The following AMZ1 variants were observed in gnomAD, a reference collection of about 807,000 sequenced individuals.
The protein encoded by AMZ1 is archaelysin family metallopeptidase 1.
Under a neutral mutation model 29.9 loss-of-function variants are expected in AMZ1, and 39 were observed. The observed-to-expected ratio is 1.30, with a 90% CI of 1.01 to 1.70. The LOEUF (loss-of-function observed/expected upper bound fraction) is 1.70. Among genes scored for constraint, AMZ1 ranks in the 40% most tolerant of loss-of-function variants. The pLI is 0.00. For missense variants in AMZ1, 1,041 were observed against 680.6 expected (o/e 1.53, Z -5.89); for synonymous variants, 458 against 304.0 (o/e 1.51, Z -5.27).
chr7:2,722,917 T>C (rs1789480984), downstream of AMZ1, among the ~76,000 whole-genome samples: 1 of 152,024 alleles, frequency 6.6e-6, no homozygotes, highest in Non-Finnish European at 1.5e-5. Flanking sequence ...GTTTTGAGGC[T>C]GCGATGAGCT....
chr7:2,762,903 G>A, upstream of AMZ1: 4 of 1,421,566 alleles, frequency 2.8e-6, no homozygotes, highest in Non-Finnish European at 3.7e-6. Flanking sequence ...GCTGCGGCGG[G>A]GAGAAGAGGC....
chr7:2,721,372 C>G (rs558573486), downstream of AMZ1, among the ~76,000 whole-genome samples: 1 of 152,178 alleles, frequency 6.6e-6, no homozygotes, highest in Non-Finnish European at 1.5e-5. Flanking sequence ...TCTGGAAGCC[C>G]GTGGATGCGA....
chr7:2,710,854 G>C (rs1788728670), intron 6 of AMZ1, among the ~76,000 whole-genome samples: 1 of 152,248 alleles, frequency 6.6e-6, no homozygotes, highest in African/African-American at 2.4e-5. Context: ...AGCACCTGGT[G>C]ATGCCTTGTA....
downstream of AMZ1, among the ~76,000 whole-genome samples, chr7:2,723,076 T>C (rs1789487440): frequency 6.6e-6 from 1 of 152,236 alleles, no homozygotes; most frequent in Non-Finnish European, 1.5e-5. Context: ...TGCATGGCAG[T>C]TGTACAACCT....
intron 4 of AMZ1, among the ~76,000 whole-genome samples, chr7:2,741,045 AAAACAAAC>A (rs10603977): frequency 4.8e-4 from 72 of 151,286 alleles, no homozygotes; most frequent in African/African-American, 1.5e-3. Flanking sequence ...ACTCCGTCTC[AAAACAAAC>A]AAACAAACAA....
intron 3 of AMZ1, among the ~76,000 whole-genome samples, chr7:2,707,936 G>GAC (rs1562370442): frequency 8.1e-5 from 12 of 148,476 alleles, no homozygotes; most frequent in African/African-American, 2.2e-4. Flanking sequence ...CAATTCTCCC[G>GAC]TCTCAGACTC....
chr7:2,706,880 G>C (rs999810661), intron 3 of AMZ1, among the ~76,000 whole-genome samples: 1 of 140,522 alleles, frequency 7.1e-6, no homozygotes, highest in Admixed American at 6.8e-5. Flanking sequence ...AGCTGCTCAG[G>C]AGGCCGAGGC....
intron 4 of AMZ1, among the ~76,000 whole-genome samples, chr7:2,753,624 A>G (rs1791143467): frequency 6.6e-6 from 1 of 152,134 alleles, no homozygotes; most frequent in Non-Finnish European, 1.5e-5. Flanking sequence ...TATTTTAGCT[A>G]TTACACATAA....
intron 4 of AMZ1, chr7:2,728,597 T>C (rs1046901949): frequency 4.6e-5 from 7 of 152,618 alleles, no homozygotes; most frequent in East Asian, 1.9e-4. Context: ...TTTGCAATAA[T>C]TGAGGCACAA....
intron 4 of AMZ1, among the ~76,000 whole-genome samples, chr7:2,739,432 C>T (rs983863864): frequency 6.6e-6 from 1 of 152,142 alleles, no homozygotes; most frequent in Non-Finnish European, 1.5e-5. Context: ...TTCCGAGGCT[C>T]GCCCATGCTG....
intron 1 of AMZ1, among the ~76,000 whole-genome samples, chr7:2,690,681 C>G (rs991668644): frequency 1.3e-5 from 2 of 152,118 alleles, no homozygotes; most frequent in Admixed American, 1.3e-4. Flanking sequence ...GGTCGTGGCT[C>G]CTCTGTGCGT....
rs1789918485 is a variant in AMZ1 at position 2,731,923 on chromosome 7, A to G, written n.550+22107A>G. On this transcript the variant is annotated intron_variant and non_coding_transcript_variant, in intron 4 of 4. Coordinates refer to the AMZ1 transcript ENST00000489665. This position sits in a 1 kb window ranked among gnomAD's most constrained non-coding sequence, Gnocchi z 6.0. ...ACATTATCAACTGGCCGTGAAACAGAAAGAATCAAATACTTCATTTCAAAA... is the reference window on the plus strand; with the variant it reads ...ACATTATCAACTGGCCGTGAAACAGGAAGAATCAAATACTTCATTTCAAAA... Among the ~76,000 whole-genome samples, 2 of 152,228 alleles carry G rather than the reference A, an allele frequency of 1.3e-5. No homozygotes were observed. The highest frequency in any genetic ancestry group is 2.1e-4 in the South Asian group (1 of 4,832).
intron 1 of AMZ1, among the ~76,000 whole-genome samples, chr7:2,680,224 G>A (rs544673421): frequency 2.0e-5 from 3 of 152,244 alleles, no homozygotes; most frequent in South Asian, 2.1e-4. Context: ...GATGGGAGGC[G>A]CTGAGAAGGT....
rs998375711 is a variant in AMZ1, at chr7:2,715,630, ATTTT to A, written c.*2755_*2758del. ...TTACCAACTTGCAGATGTCAGTGAA[ATTTT>A]TTAAGACAGCTGTTAGAAGGACTGT... On this transcript the variant is annotated 3_prime_UTR_variant, in exon 7 of 7. Coordinates refer to ENST00000683327, the MANE Select transcript of AMZ1 (RefSeq NM_001384743.1). 2.0e-5 allele frequency: 3 copies of A among 152,180 alleles called. No individual in the cohort carries two copies. Among genetic ancestry groups the A allele is most frequent in the Admixed American group, 2.0e-4 (3 of 15,274 alleles). The allele number at this position is 152,180 out of a possible 1,614,324, so 9.4% of individuals were successfully genotyped here.
At chr7:2,741,163 T>C (rs975981310) in intron 4 of AMZ1, among the ~76,000 whole-genome samples, 2 of 152,198 alleles carry the variant, frequency 1.3e-5, no homozygotes, top group Non-Finnish European at 2.9e-5. Context: ...AATTTTACAG[T>C]ATGTTTTAAG....
intron 1 of AMZ1, chr7:2,679,749 G>A (rs533572751): frequency 6.6e-6 from 1 of 152,554 alleles, no homozygotes; most frequent in South Asian, 2.1e-4. Context: ...GCCTAAATGT[G>A]GGGTGGGAGG....
chr7:2,731,137 C>T lies in AMZ1; in HGVS notation n.550+21321C>T. 2.2e-6 allele frequency: 3 copies of T among 1,342,094 alleles called. No homozygotes were observed. The highest frequency in any genetic ancestry group is 2.5e-5 in the South Asian group (2 of 78,618). The allele number at this position is 1,342,094 out of a possible 1,614,324, so 83.1% of individuals were successfully genotyped here. A position where few individuals can be genotyped will look rare whatever the true frequency, so the allele number is the denominator to read the frequency against. On this transcript the variant is annotated intron_variant and non_coding_transcript_variant, in intron 4 of 4. Transcript: ENST00000489665. The surrounding 1 kb of genome is among the most constrained non-coding windows in gnomAD (Gnocchi z 6.0). ...ACACACCCAAGAGTCTGACCGACAG[C>T]CGTGGGGGCTGCTCAACGACGACAA... is the stretch of plus-strand genomic sequence containing the variant.
upstream of AMZ1, chr7:2,762,110 A>G (rs770274288): frequency 6.5e-6 from 1 of 152,842 alleles, no homozygotes; most frequent in Non-Finnish European, 1.5e-5. Flanking sequence ...AAAGCGGCAG[A>G]GAAACCTGTG....
intron 1 of AMZ1, among the ~76,000 whole-genome samples, chr7:2,680,467 C>T (rs377146619): frequency 2.0e-4 from 30 of 152,318 alleles, no homozygotes; most frequent in African/African-American, 6.3e-4. Flanking sequence ...CCCTGGGCCG[C>T]GAAGCCTCAA....
Sources: gnomAD v4.1 joint callset for allele counts (sites outside exome capture counted in the v4.1 genomes callset) on GRCh38, gnomAD v4.1.1 for gene constraint, Gnocchi (gnomAD v3.1) non-coding constraint, MANE v1.5 for transcripts, NCBI Gene and HGNC (gene_info 2026-07-23, HGNC 2026-07-21) for gene names.